The following YES1 variants were observed in gnomAD, a reference collection of about 807,000 sequenced individuals.
YES1 encodes YES proto-oncogene 1, Src family tyrosine kinase.
In YES1, 39 loss-of-function variants were observed where a neutral mutation model predicts 70.4. That is an observed-to-expected ratio of 0.55 (90% CI 0.43 to 0.72). YES1 has a LOEUF of 0.72. Ranked by LOEUF, YES1 falls within the 30% of genes least tolerant of loss-of-function variation. YES1 has a pLI of 0.00. For synonymous variants in YES1, 198 were observed against 218.6 expected (o/e 0.91, Z 0.83); for missense variants, 495 against 644.8 (o/e 0.77, Z 2.52).
chr18:746,911 C>A (rs907614479), intron 4 of YES1, among the ~76,000 whole-genome samples: 1 of 152,120 alleles, frequency 6.6e-6, no homozygotes, highest in African/African-American at 2.4e-5. Flanking sequence ...TATGTGTGTG[C>A]ATGTATATAT....
At chr18:782,145 G>A (rs1905703062) in intron 1 of YES1, among the ~76,000 whole-genome samples, 1 of 152,076 alleles carries the variant, frequency 6.6e-6, no homozygotes, top group Non-Finnish European at 1.5e-5. Flanking sequence ...ACCTCCATGT[G>A]TTTTATCTTA....
At position 741,407 on chromosome 18, in the gene YES1, A is replaced by AT. The variant is rs549325912; in HGVS notation, c.1060+1510dup. Among the ~76,000 whole-genome samples, 20 of 152,088 alleles carry AT rather than the reference A, an allele frequency of 1.3e-4. 1 individual carries two copies. Among genetic ancestry groups the AT allele is most frequent in the South Asian group, 1.0e-3 (5 of 4,816 alleles). ...ATGTGTGTGCAACCACGTCCTGCTA[A>AT]TTTTTTTAGTTTTTGTAGAGATGGG... On this transcript the variant is annotated intron_variant, in intron 8 of 11. Coordinates refer to ENST00000314574, the MANE Select transcript of YES1 (RefSeq NM_005433.4).
intron 11 of YES1, among the ~76,000 whole-genome samples, chr18:730,263 C>T (rs1314584434): frequency 1.3e-5 from 2 of 152,118 alleles, no homozygotes; most frequent in East Asian, 3.9e-4. Context: ...CCCCAGCCTC[C>T]TAGTGGCTAT....
In YES1 at chr18:743,882, G is replaced by T. The variant is rs1020896798; in HGVS notation, c.725-467C>A. ...AATTGCGCCACTGCACTCTAGCCTGGGTGACACAGTGAGATTCTGACTCGA... is the reference window on the plus strand; with the variant it reads ...AATTGCGCCACTGCACTCTAGCCTGTGTGACACAGTGAGATTCTGACTCGA... On this transcript the variant is annotated intron_variant, in intron 6 of 11. Coordinates refer to ENST00000314574, the MANE Select transcript of YES1 (RefSeq NM_005433.4). Among the ~76,000 whole-genome samples the T allele has an allele frequency of 1.1e-4, 16 of 149,934 alleles. 1 individual carries two copies. The highest frequency in any genetic ancestry group is 1.1e-3 in the South Asian group (5 of 4,750).
At chr18:752,915 C>T (rs764398229) in intron 2 of YES1, among the ~76,000 whole-genome samples, 1 of 151,984 alleles carries the variant, frequency 6.6e-6, no homozygotes, top group Non-Finnish European at 1.5e-5. Flanking sequence ...TGCACTGTAG[C>T]CTGGGTGACA....
chr18:752,970 GGAT>G (rs1326348545), intron 2 of YES1, among the ~76,000 whole-genome samples: 1 of 152,004 alleles, frequency 6.6e-6, no homozygotes, highest in East Asian at 1.9e-4. Flanking sequence ...AAAATGGTAT[GGAT>G]GATATGAATT....
intron 1 of YES1, among the ~76,000 whole-genome samples, chr18:761,395 GAA>G (rs1403847977): frequency 1.3e-5 from 2 of 152,082 alleles, no homozygotes; most frequent in African/African-American, 4.8e-5. Flanking sequence ...TATGAAGGAG[GAA>G]AAATTATGGG....
At chr18:750,665 G>A (rs574293939) in intron 3 of YES1, among the ~76,000 whole-genome samples, 209 of 152,230 alleles carry the variant, frequency 1.4e-3, no homozygotes, top group African/African-American at 4.8e-3. Context: ...GTTTGCATAG[G>A]GTGCTATGTA....
intron 2 of YES1, among the ~76,000 whole-genome samples, chr18:753,626 C>A (rs2080370248): frequency 6.6e-6 from 1 of 152,098 alleles, no homozygotes; most frequent in African/African-American, 2.4e-5. Context: ...GCTGGGATTA[C>A]AGGCGTGCAC....
At chr18:786,493 C>CCATA (rs1320008400) in intron 1 of YES1, among the ~76,000 whole-genome samples, 1 of 61,156 alleles carries the variant, frequency 1.6e-5, no homozygotes, top group Admixed American at 1.7e-4. Flanking sequence ...ATTAATAAGT[C>CCATA]CATACACACA....
intron 1 of YES1, among the ~76,000 whole-genome samples, chr18:788,248 T>G (rs913481169): frequency 6.6e-6 from 1 of 152,174 alleles, no homozygotes; most frequent in African/African-American, 2.4e-5. Flanking sequence ...TTCAAAAAAG[T>G]TCATGTTTCC....
intron 10 of YES1, chr18:736,581 A>G (rs907231050): frequency 1.5e-5 from 6 of 409,320 alleles, no homozygotes; most frequent in Non-Finnish European, 2.1e-5. Context: ...TAAAGAGGCT[A>G]CTACTTGCTC....
intron 1 of YES1, among the ~76,000 whole-genome samples, chr18:794,232 A>G (rs1420225596): frequency 6.6e-6 from 1 of 152,226 alleles, no homozygotes; most frequent in South Asian, 2.1e-4. Context: ...TCTGAAGAAC[A>G]TAATAGCCTT....
intron 1 of YES1, among the ~76,000 whole-genome samples, chr18:793,316 G>A (rs1049549270): frequency 6.6e-6 from 1 of 152,018 alleles, no homozygotes; most frequent in Non-Finnish European, 1.5e-5. Flanking sequence ...TGGGATTACA[G>A]GCGTGAGCCA....
In YES1 at chr18:756,571, G is replaced by T. The variant is rs2080408811; in HGVS notation, c.257C>A (p.Pro86His). The T allele has an allele frequency of 1.9e-6, 3 of 1,614,114 alleles. No homozygotes were observed. In the East Asian group the frequency reaches 6.7e-5, roughly 36 times the overall value. ...SSFSVVPSSYPAGLTGGVTIF... is the reference protein window; with the variant it reads ...SSFSVVPSSYHAGLTGGVTIF... ...TTAAATCTCACCTGTTAAACCAGCA[G>T]GATATGAACTTGGCACCACTGAAAA... Residue 86 changes from proline to histidine, a missense_variant, in exon 2 of 12, where the codon CCT becomes CAT. This residue lies in a region of YES1 where 110 missense variants were observed against 104.0 expected (regional missense o/e 1.06). Coordinates refer to ENST00000314574, the MANE Select transcript of YES1 (RefSeq NM_005433.4).
At chr18:775,707 G>T (rs1404526664) in intron 1 of YES1, among the ~76,000 whole-genome samples, 2 of 152,100 alleles carry the variant, frequency 1.3e-5, no homozygotes, top group African/African-American at 4.8e-5. Flanking sequence ...TGAGGTTGGA[G>T]GATCGCTTGA....
At chr18:761,466 G>A (rs1904591085) in intron 1 of YES1, among the ~76,000 whole-genome samples, 1 of 152,106 alleles carries the variant, frequency 6.6e-6, no homozygotes, top group Admixed American at 6.6e-5. Flanking sequence ...GAAATACCAT[G>A]TCAATTCACA....
chr18:800,600 A>G (rs904584565), intron 1 of YES1, among the ~76,000 whole-genome samples: 5 of 152,334 alleles, frequency 3.3e-5, no homozygotes, highest in Middle Eastern at 3.4e-3. Flanking sequence ...ACAATTGGAG[A>G]AATAAAAGGA....
At chr18:805,580 G>A (rs949703490) in intron 1 of YES1, among the ~76,000 whole-genome samples, 3 of 152,118 alleles carry the variant, frequency 2.0e-5, no homozygotes, top group Non-Finnish European at 2.9e-5. Flanking sequence ...TTACTGAATC[G>A]ACCAAGGCTA....
Sources: allele counts gnomAD v4.1 joint callset (sites outside exome capture counted in the v4.1 genomes callset), GRCh38; gene constraint gnomAD v4.1.1; regional missense constraint gnomAD v4.1.1; transcripts MANE v1.5; gene names NCBI Gene and HGNC (gene_info 2026-07-23, HGNC 2026-07-21).